Variants in ATP6V0A2 observed in about 807,000 individuals in gnomAD.
ATP6V0A2 encodes the protein ATPase H+ transporting V0 subunit a2, also known as V-type proton ATPase 116 kDa subunit a 2.
ATP6V0A2 carries 58 observed loss-of-function variants against 104.4 expected under a neutral mutation model. That is an observed-to-expected ratio of 0.56 (90% CI 0.45 to 0.69). The LOEUF is 0.69. Among genes scored for constraint, ATP6V0A2 ranks in the 30% least tolerant of loss-of-function variants. The pLI is 0.00. For missense variants in ATP6V0A2, 938 were observed against 1,062.9 expected (o/e 0.88, Z 1.63); for synonymous variants, 376 against 397.9 (o/e 0.95, Z 0.65).
intron 7 of ATP6V0A2, among the ~76,000 whole-genome samples, chr12:123,734,560 A>G (rs1185592825): frequency 6.6e-6 from 1 of 152,270 alleles, no homozygotes; most frequent in African/African-American, 2.4e-5. Flanking sequence ...AAATGAAATG[A>G]TCAGGTAAAA....
At chr12:123,722,028 TTA>T (rs1423964754) in intron 2 of ATP6V0A2, among the ~76,000 whole-genome samples, 7 of 152,236 alleles carry the variant, frequency 4.6e-5, no homozygotes, top group Non-Finnish European at 4.4e-5. Context: ...CACTAGAATA[TTA>T]GAAATGAAAA....
rs377601811 is a variant in ATP6V0A2 at position 123,724,675 on chromosome 12, G to A, written c.316G>A (p.Val106Ile). ...EMQEQLQKLE[V>I]ELREVTKNKE... Reference sequence around the variant, plus strand: ...TTAGGAGCAGTTGCAGAAGCTCGAGGTTGAACTGAGAGAAGTCACTAAGAA... The same window carrying A: ...TTAGGAGCAGTTGCAGAAGCTCGAGATTGAACTGAGAGAAGTCACTAAGAA... The change falls in exon 4 of 20, where the codon GTT becomes ATT. Residue 106 changes from valine to isoleucine, a missense_variant. Val to Ile is a conservative substitution (Grantham distance 29). Transcript: ENST00000330342. 6.2e-7 allele frequency: 1 copy of A among 1,613,970 alleles called. No homozygotes were observed. The highest frequency in any genetic ancestry group is 8.5e-7 in the Non-Finnish European group (1 of 1,179,922).
At chr12:123,733,541 G>A (rs187416377) in intron 6 of ATP6V0A2, 130 of 268,686 alleles carry the variant, frequency 4.8e-4, no homozygotes, top group Non-Finnish European at 8.3e-4. Flanking sequence ...CCCTACACTC[G>A]GGGCTGTTTA....
intron 7 of ATP6V0A2, among the ~76,000 whole-genome samples, 161 bp from the exon 8 acceptor site, chr12:123,735,370 T>A (rs1432734851): frequency 2.0e-5 from 3 of 152,172 alleles, no homozygotes; most frequent in Non-Finnish European, 4.4e-5. Flanking sequence ...TTGTTGAGCA[T>A]CTGTATGCAC....
At chr12:123,751,348 T>C (rs1956712370) in intron 16 of ATP6V0A2, 119 bp downstream of exon 16, 7 of 1,482,592 alleles carry the variant, frequency 4.7e-6, no homozygotes, top group African/African-American at 1.4e-5. Flanking sequence ...AAGCCAAAGC[T>C]CCCTTTATTT....
At chr12:123,724,456 G>A (rs1326616567) in intron 3 of ATP6V0A2, 198 bp from the exon 4 acceptor site, 1 of 484,954 alleles carries the variant, frequency 2.1e-6, no homozygotes, top group African/African-American at 2.0e-5. Flanking sequence ...TTGAACCCAG[G>A]AGGTGGAGGT....
At chr12:123,755,028 C>T (rs1956749980) in intron 18 of ATP6V0A2, among the ~76,000 whole-genome samples, 2 of 152,196 alleles carry the variant, frequency 1.3e-5, no homozygotes, top group Non-Finnish European at 2.9e-5. Flanking sequence ...TTAGTTTCCA[C>T]AGTGTAGTTA....
At chr12:123,725,444 C>T (rs1395398373) in intron 4 of ATP6V0A2, among the ~76,000 whole-genome samples, 4 of 151,872 alleles carry the variant, frequency 2.6e-5, no homozygotes, top group Non-Finnish European at 4.4e-5. Context: ...TTTACTTTTT[C>T]CAAATTGCTA....
intron 9 of ATP6V0A2, 117 bp downstream of exon 9, chr12:123,737,388 CTCT>C (rs1440885672): frequency 8.1e-6 from 8 of 983,934 alleles, no homozygotes; most frequent in Admixed American, 8.1e-5. Flanking sequence ...AGTGTGTTGA[CTCT>C]TCTTTTGTTT....
At chr12:123,749,444 C>A (rs1956693875) in intron 15 of ATP6V0A2, among the ~76,000 whole-genome samples, 1 of 152,170 alleles carries the variant, frequency 6.6e-6, no homozygotes, top group Non-Finnish European at 1.5e-5. Context: ...TGTGTGCTGT[C>A]ACAGTGGGCT....
Position 123,718,867 on chromosome 12 carries a change from A to AT in ATP6V0A2, c.196+173dup, listed in dbSNP as rs143201160. Among the ~76,000 whole-genome samples the AT allele has an allele frequency of 0.065, 9,827 of 152,140 alleles. 689 individuals carry two copies. The highest frequency in any genetic ancestry group is 0.18 in the African/African-American group (7,390 of 41,472). On this transcript the variant is annotated intron_variant, in intron 2 of 19. Coordinates refer to ENST00000330342, the MANE Select transcript of ATP6V0A2 (RefSeq NM_012463.4). ...ATGTAGGCATGTATTATTTTTCTGT[A>AT]TTTTTTTATTCATCTATAAAAGTAA...
chr12:123,718,925 T>C (rs925586531), intron 2 of ATP6V0A2, among the ~76,000 whole-genome samples: 1 of 152,218 alleles, frequency 6.6e-6, no homozygotes, highest in Non-Finnish European at 1.5e-5. Flanking sequence ...GGTTATTTTG[T>C]TGTTACCCTT....
At chr12:123,715,946 A>AC (rs1956334846) in intron 1 of ATP6V0A2, among the ~76,000 whole-genome samples, 1 of 152,138 alleles carries the variant, frequency 6.6e-6, no homozygotes, top group African/African-American at 2.4e-5. Flanking sequence ...AGTACAGTGT[A>AC]CCCCCATGTA....
chr12:123,743,701 A>G, intron 9 of ATP6V0A2, 84 bp from the exon 10 acceptor site: 1 of 1,529,758 alleles, frequency 6.5e-7, no homozygotes, highest in South Asian at 1.1e-5. Flanking sequence ...CCAAAAAACA[A>G]AGCAGTAACC....
At chr12:123,737,293 C>T in intron 9 of ATP6V0A2, 22 bp downstream of exon 9, 1 of 1,610,920 alleles carries the variant, frequency 6.2e-7, no homozygotes, top group Non-Finnish European at 8.5e-7. Flanking sequence ...TTCCTCTCCT[C>T]TGCCAGGAAC....
In ATP6V0A2 at chr12:123,743,852, G is replaced by A. The variant is rs141310219; in HGVS notation, c.1106G>A (p.Arg369Gln). The A allele has an allele frequency of 5.1e-5, 82 of 1,613,908 alleles. No homozygotes were observed. The African/African-American group carries it at 8.6e-4, about 17-fold the overall frequency. Reference sequence around the variant, plus strand: ...CCCACAAAAGAAACACCCCCCACTCGGATCCGCACCAACAAATTCACCGAG... The same window carrying A: ...CCCACAAAAGAAACACCCCCCACTCAGATCCGCACCAACAAATTCACCGAG... ...IIPTKETPPTRIRTNKFTEGF... is the reference protein window; with the variant it reads ...IIPTKETPPTQIRTNKFTEGF... The change falls in exon 10 of 20, where the codon CGG (arginine) becomes CAG (glutamine). Residue 369 changes from arginine to glutamine, a missense_variant. Transcript: ENST00000330342.
intron 8 of ATP6V0A2, among the ~76,000 whole-genome samples, chr12:123,736,849 G>T (rs756837170): frequency 6.6e-6 from 1 of 152,162 alleles, no homozygotes; most frequent in African/African-American, 2.4e-5. Flanking sequence ...GCATCTGATT[G>T]ATTGGGCTTA....
At position 123,727,416 on chromosome 12, in the gene ATP6V0A2, T is replaced by G. The variant is rs185980743; in HGVS notation, c.522-367T>G. 3.3e-5 allele frequency among the ~76,000 whole-genome samples: 5 copies of G among 152,008 alleles called. No individual in the cohort carries two copies. In the East Asian group the frequency reaches 7.8e-4, roughly 24 times the overall value. ...GCCTCAGCCTCCCGAGTAGCTGGGA[T>G]TATGGGTGCCTGCCACCACGCCTGG... On this transcript the variant is annotated intron_variant, in intron 5 of 19. Transcript: ENST00000330342.
intron 4 of ATP6V0A2, 68 bp downstream of exon 4, chr12:123,724,859 A>G: frequency 1.4e-6 from 2 of 1,393,732 alleles, no homozygotes; most frequent in Non-Finnish European, 2.0e-6. Flanking sequence ...TCTCATTCCC[A>G]TAGGCTGTGT....
Sources: allele counts gnomAD v4.1 joint callset (sites outside exome capture counted in the v4.1 genomes callset), GRCh38; gene constraint gnomAD v4.1.1; transcripts MANE v1.5; gene names NCBI Gene and HGNC (gene_info 2026-07-23, HGNC 2026-07-21).